DCC: variants seen among roughly 807,000 people sequenced by gnomAD.
The protein encoded by DCC is netrin receptor DCC.
DCC carries 58 observed loss-of-function variants against 172.5 expected under a neutral mutation model. The observed-to-expected ratio is 0.34, with a 90% CI of 0.27 to 0.42. The LOEUF is 0.42. DCC is among the 10% of genes least tolerant of loss of function. DCC has a pLI of 1.00. For synonymous variants in DCC, 709 were observed against 644.5 expected, an observed-to-expected ratio of 1.10 and a Z score of -1.52; for missense variants, 1,740 against 1,791.0, an observed-to-expected ratio of 0.97 and a Z score of 0.51.
chr18:52,929,667 G>C (rs537394511), intron 5 of DCC, among the ~76,000 whole-genome samples: 4 of 152,104 alleles, frequency 2.6e-5, no homozygotes, highest in Admixed American at 6.6e-5. Context: ...ATTCAAAGTG[G>C]TGTGCCGTTT....
intron 1 of DCC, among the ~76,000 whole-genome samples, chr18:52,694,372 TA>T (rs559324587): frequency 8.6e-5 from 13 of 151,958 alleles, no homozygotes; most frequent in South Asian, 8.3e-4. Flanking sequence ...AAAACTGGTG[TA>T]AAAAAATGTT....
chr18:52,499,916 G>A (rs1290254274), intron 1 of DCC, among the ~76,000 whole-genome samples: 4 of 152,074 alleles, frequency 2.6e-5, no homozygotes, highest in African/African-American at 9.7e-5. Context: ...AGCTTTAGGA[G>A]AGACTGAATG....
chr18:53,511,739 T>G (rs569175035), intron 27 of DCC, among the ~76,000 whole-genome samples: 20 of 152,284 alleles, frequency 1.3e-4, no homozygotes, highest in African/African-American at 4.6e-4. Flanking sequence ...ACCCGAATAC[T>G]GGGCTTTTCC....
At chr18:53,317,945 G>A (rs1165650748) in intron 13 of DCC, among the ~76,000 whole-genome samples, 1 of 151,982 alleles carries the variant, frequency 6.6e-6, no homozygotes, top group African/African-American at 2.4e-5. Context: ...TGGATTCATT[G>A]ATTTTTTTGA....
At chr18:53,237,285 T>C (rs1161010988) in intron 12 of DCC, 1 of 153,770 alleles carries the variant, frequency 6.5e-6, no homozygotes, top group Non-Finnish European at 1.5e-5. Context: ...TGAGATAAAA[T>C]AGAAAAAAAG....
chr18:53,157,414 T>G lies in DCC; in HGVS notation c.1320T>G (p.Val440=). The change falls in exon 8 of 29, where the codon GTT becomes GTG. Residue 440 remains valine (V), a synonymous_variant. Transcript: ENST00000442544. ...SAPRDVVPVL[V]SSRFVRLSWR... Reference sequence around the variant, plus strand: ...CCAGAGATGTGGTCCCTGTCTTGGTTTCCAGCCGATTTGTCCGTCTCAGCT... The same window carrying G: ...CCAGAGATGTGGTCCCTGTCTTGGTGTCCAGCCGATTTGTCCGTCTCAGCT... The G allele has an allele frequency of 6.2e-7, 1 of 1,614,174 alleles. No homozygotes were observed. The highest frequency in any genetic ancestry group is 8.5e-7 in the Non-Finnish European group (1 of 1,180,016).
intron 12 of DCC, among the ~76,000 whole-genome samples, chr18:53,297,166 A>G (rs565332073): frequency 6.6e-6 from 1 of 152,200 alleles, no homozygotes; most frequent in African/African-American, 2.4e-5. Context: ...CTACTCTTGT[A>G]CGTCTACAGT....
intron 1 of DCC, among the ~76,000 whole-genome samples, chr18:52,424,463 G>C (rs911548446): frequency 6.6e-6 from 1 of 152,138 alleles, no homozygotes; most frequent in African/African-American, 2.4e-5. Context: ...ACAAGTGCTA[G>C]AGAGGAAAAG....
chr18:52,425,079 T>G (rs543158756), intron 1 of DCC, among the ~76,000 whole-genome samples: 2 of 152,136 alleles, frequency 1.3e-5, no homozygotes, highest in Non-Finnish European at 2.9e-5. Flanking sequence ...CATCCATTTT[T>G]TTCCTACCAT....
chr18:52,441,702 G>A (rs919924842), intron 1 of DCC, among the ~76,000 whole-genome samples: 1 of 151,984 alleles, frequency 6.6e-6, no homozygotes. Context: ...AACCTTAAAG[G>A]TACAAAAGAA....
chr18:52,774,541 G>A (rs2037395318), intron 2 of DCC, among the ~76,000 whole-genome samples: 1 of 152,244 alleles, frequency 6.6e-6, no homozygotes, highest in Non-Finnish European at 1.5e-5. Flanking sequence ...TAAAAACTGA[G>A]TAGACTGGAG....
chr18:53,383,430 T>C (rs1907914544), intron 15 of DCC, among the ~76,000 whole-genome samples: 1 of 151,250 alleles, frequency 6.6e-6, no homozygotes, highest in South Asian at 2.1e-4. Flanking sequence ...GCTTTTCTGT[T>C]TGCAGATTAT....
intron 12 of DCC, among the ~76,000 whole-genome samples, chr18:53,276,221 C>A (rs2056805214): frequency 6.6e-6 from 1 of 152,094 alleles, no homozygotes; most frequent in African/African-American, 2.4e-5. Context: ...TAGCTTCACT[C>A]AACTGGGGTT....
intron 1 of DCC, among the ~76,000 whole-genome samples, chr18:52,741,040 A>G: frequency 6.6e-6 from 1 of 152,318 alleles, no homozygotes; most frequent in Non-Finnish European, 1.5e-5. Flanking sequence ...GGCAGATCAG[A>G]CAAAGAACTC....
chr18:53,151,136 G>T (rs995126060), intron 7 of DCC, among the ~76,000 whole-genome samples: 6 of 152,262 alleles, frequency 3.9e-5, no homozygotes, highest in African/African-American at 1.4e-4. Context: ...ATAATTGGAT[G>T]CATAAATTCA....
intron 1 of DCC, among the ~76,000 whole-genome samples, chr18:52,478,226 A>AAT (rs1989151766): frequency 1.3e-5 from 2 of 152,148 alleles, no homozygotes; most frequent in African/African-American, 2.4e-5. Context: ...TCAGTACCCT[A>AAT]TGGTTGTGCC....
chr18:53,171,043 C>T (rs1464732108), intron 8 of DCC, among the ~76,000 whole-genome samples: 1 of 152,070 alleles, frequency 6.6e-6, no homozygotes, highest in Non-Finnish European at 1.5e-5. Flanking sequence ...TGCCACCATG[C>T]CCGGCTAATT....
At chr18:52,615,444 G>C (rs2034361751) in intron 1 of DCC, among the ~76,000 whole-genome samples, 1 of 152,178 alleles carries the variant, frequency 6.6e-6, no homozygotes, top group Non-Finnish European at 1.5e-5. Flanking sequence ...AAAGAATGGG[G>C]CACCTTCAGA....
chr18:52,831,369 C>T (rs1254785849), intron 2 of DCC, among the ~76,000 whole-genome samples: 1 of 152,076 alleles, frequency 6.6e-6, no homozygotes, highest in African/African-American at 2.4e-5. Context: ...GAAATATGAT[C>T]TGATCAAGCA....
Sources: gnomAD v4.1 joint callset for allele counts (sites outside exome capture counted in the v4.1 genomes callset) on GRCh38, gnomAD v4.1.1 for gene constraint, MANE v1.5 for transcripts, NCBI Gene and HGNC (gene_info 2026-07-23, HGNC 2026-07-21) for gene names.